Variants in LAMA1 observed in about 807,000 individuals in gnomAD.
The protein encoded by LAMA1 is laminin subunit alpha 1.
Under a neutral mutation model 348.7 loss-of-function variants are expected in LAMA1, and 219 were observed. The observed-to-expected ratio is 0.63, with a 90% CI of 0.56 to 0.70. LAMA1 has a LOEUF of 0.70. Ranked by LOEUF, LAMA1 falls within the 30% of genes least tolerant of loss-of-function variation. The probability of loss-of-function intolerance (pLI) is 0.00; values close to 1 mark genes in which losing one functional copy is unlikely to be tolerated. For missense variants in LAMA1, 3,744 were observed against 3,888.0 expected (o/e 0.96, Z 0.99); for synonymous variants, 1,487 against 1,491.0 (o/e 1.00, Z 0.06).
At chr18:6,960,484 A>T (rs938390981) in intron 53 of LAMA1, 5 of 152,000 alleles carry the variant, frequency 3.3e-5, no homozygotes, top group African/African-American at 1.2e-4. Context: ...CGGAAAGCAA[A>T]TTGGTGGTTG....
At chr18:7,087,735 A>G (rs1372314064) in intron 1 of LAMA1, among the ~76,000 whole-genome samples, 1 of 152,218 alleles carries the variant, frequency 6.6e-6, no homozygotes, top group African/African-American at 2.4e-5. Flanking sequence ...CACAGGCTTC[A>G]AGTCAGGCAG....
At chr18:7,090,216 A>G (rs576370647) in intron 1 of LAMA1, among the ~76,000 whole-genome samples, 1 of 152,234 alleles carries the variant, frequency 6.6e-6, no homozygotes, top group Non-Finnish European at 1.5e-5. Flanking sequence ...AAATGAACTC[A>G]TTTTGTGTCT....
Position 7,042,224 on chromosome 18 carries a change from G to A in LAMA1, c.1182C>T (p.Cys394=), listed in dbSNP as rs771672794. ...HKVSPYEDEP[C]RPCNCDPVGS... ...CCACAGGGTCACAATTACAGGGGCG[G>A]CAAGGCTCATCCTCATAAGGAGACA... Residue 394 remains cysteine (C), a synonymous_variant, in exon 9 of 63, where the codon TGC becomes TGT. Coordinates refer to ENST00000389658, the MANE Select transcript of LAMA1 (RefSeq NM_005559.4). 4.3e-6 allele frequency: 7 copies of A among 1,610,844 alleles called. No individual in the cohort carries two copies. In the African/African-American group the frequency reaches 6.7e-5, roughly 15 times the overall value.
At chr18:6,955,268 CT>C (rs2057569897) in intron 57 of LAMA1, 84 bp downstream of exon 57, 10 of 1,057,072 alleles carry the variant, frequency 9.5e-6, no homozygotes, top group Non-Finnish European at 1.4e-5. Context: ...AAAGCAGGTT[CT>C]TTTGGAAAAG....
chr18:7,073,495 T>A (rs2058154343), intron 3 of LAMA1, among the ~76,000 whole-genome samples: 1 of 152,222 alleles, frequency 6.6e-6, no homozygotes, highest in African/African-American at 2.4e-5. Context: ...TTCATCCAAA[T>A]TGATTCATAT....
At chr18:7,003,682 G>A (rs751601472) in intron 29 of LAMA1, among the ~76,000 whole-genome samples, 8 of 152,184 alleles carry the variant, frequency 5.3e-5, no homozygotes, top group Non-Finnish European at 1.2e-4. Context: ...TTCCATGTCT[G>A]ATGCAGCTGA....
At chr18:6,945,159 T>C (rs1030305390) in intron 61 of LAMA1, among the ~76,000 whole-genome samples, 5 of 152,048 alleles carry the variant, frequency 3.3e-5, no homozygotes, top group African/African-American at 1.2e-4. Context: ...CCTCCCAAGG[T>C]TTTGGGATTA....
chr18:7,074,716 A>G (rs942165085), intron 3 of LAMA1, among the ~76,000 whole-genome samples: 8 of 152,146 alleles, frequency 5.3e-5, no homozygotes, highest in African/African-American at 1.9e-4. Flanking sequence ...ATTTTTTAAA[A>G]GTAAGATACT....
chr18:7,061,906 A>G (rs2058103223), intron 3 of LAMA1, among the ~76,000 whole-genome samples: 1 of 152,120 alleles, frequency 6.6e-6, no homozygotes, highest in African/African-American at 2.4e-5. Context: ...AGAAGAGCAC[A>G]CTGTGCCCTG....
Position 6,958,628 on chromosome 18 carries a change from C to T in LAMA1, c.7813G>A (p.Val2605Met), listed in dbSNP as rs986559237. The change falls in exon 55 of 63, where the codon GTG becomes ATG. Residue 2605 changes from valine to methionine, a missense_variant. By Grantham distance (21) the Val-to-Met change is conservative. Transcript: ENST00000389658. ...ITVQLDENNP[V>M]EMKLGTLVES... ...ACTAATGTGCCCAACTTCATTTCCACAGGATTGTTCTCATCCAATTGGACA... is the reference window on the plus strand; with the variant it reads ...ACTAATGTGCCCAACTTCATTTCCATAGGATTGTTCTCATCCAATTGGACA... 1.2e-6 allele frequency: 2 copies of T among 1,614,148 alleles called. No homozygotes were observed. Among genetic ancestry groups the T allele is most frequent in the Non-Finnish European group, 1.7e-6 (2 of 1,179,990 alleles).
intron 10 of LAMA1, 57 bp from the exon 11 acceptor site, chr18:7,039,007 TAAAA>T (rs2058008949): frequency 7.1e-7 from 1 of 1,414,858 alleles, no homozygotes; most frequent in Non-Finnish European, 1.0e-6. Flanking sequence ...CCAGAGAGAA[TAAAA>T]TGACATTAAC....
intron 3 of LAMA1, among the ~76,000 whole-genome samples, chr18:7,056,582 C>A (rs1015711825): frequency 7.2e-5 from 11 of 152,164 alleles, no homozygotes; most frequent in Non-Finnish European, 1.3e-4. Context: ...AACTCCAGAG[C>A]CCTTCAGCCA....
At chr18:6,972,884 TTTCTCCATG>T (rs1333029902) in intron 47 of LAMA1, among the ~76,000 whole-genome samples, 164 bp downstream of exon 47, 1 of 152,066 alleles carries the variant, frequency 6.6e-6, no homozygotes, top group Non-Finnish European at 1.5e-5. Flanking sequence ...GAGACAAGAG[TTTCTCCATG>T]TTGGTCAGGC....
At chr18:7,080,522 C>T (rs1418935862) in intron 1 of LAMA1, 65 bp from the exon 2 acceptor site, 4 of 1,535,810 alleles carry the variant, frequency 2.6e-6, no homozygotes, top group African/African-American at 2.7e-5. Context: ...CTTACCCCAT[C>T]CCACTTGGTA....
At chr18:7,014,563 A>G (rs1268460507) in intron 22 of LAMA1, among the ~76,000 whole-genome samples, 1 of 40,648 alleles carries the variant, frequency 2.5e-5, no homozygotes, top group East Asian at 3.5e-4. Context: ...TCAAGGATAC[A>G]GTGAGCTTTG....
At position 6,947,140 on chromosome 18, in the gene LAMA1, C is replaced by T. The variant is rs777606835; in HGVS notation, c.8844+23G>A. 22 of 1,613,944 alleles carry T rather than the reference C, an allele frequency of 1.4e-5. No individual in the cohort carries two copies. The Admixed American group carries it at 3.7e-4, about 27-fold the overall frequency. On this transcript the variant is annotated intron_variant, in intron 61 of 62. Coordinates refer to ENST00000389658, the MANE Select transcript of LAMA1 (RefSeq NM_005559.4). ...TCTCTGACACTGGGGGGAGGAAGAC[C>T]CTCATGGAGAGGAAGCACCCACCTT...
chr18:6,950,933 C>T lies in LAMA1; in HGVS notation c.8246G>A (p.Ser2749Asn). 6.2e-7 allele frequency: 1 copy of T among 1,614,160 alleles called. No individual in the cohort carries two copies. Residue 2749 changes from serine (S) to asparagine (N), a missense_variant, in exon 58 of 63, where the codon AGC becomes AAC. Around this residue, in one of 3 missense-constraint regions of LAMA1, gnomAD observed 1,983 missense variants for 1,934.3 expected, o/e 1.03. Transcript: ENST00000389658. ...VELSIRTFAS[S>N]GLIYYMAHQN... ...ATGAGCCATGTAGTAAATCAGGCCG[C>T]TGGAGGCGAACGTGCGGATGCTTAG... is the stretch of plus-strand genomic sequence containing the variant.
intron 1 of LAMA1, among the ~76,000 whole-genome samples, chr18:7,095,744 C>G (rs1479175515): frequency 1.3e-5 from 2 of 152,222 alleles, no homozygotes; most frequent in Non-Finnish European, 2.9e-5. Flanking sequence ...TGAGGTTTGA[C>G]TAAAGGTGAA....
rs748373868 is a variant in LAMA1 at position 6,958,656 on chromosome 18, G to T, written c.7785C>A (p.Ile2595=). The change falls in exon 55 of 63, where the codon ATC becomes ATA. Residue 2595 remains isoleucine (I), a synonymous_variant. Transcript: ENST00000389658. The part of the protein sequence containing the change: ...SISLVRNRRI[I]TVQLDENNPV... Reference sequence around the variant, plus strand: ...GATTGTTCTCATCCAATTGGACAGTGATAATTCTAAAAGACCAATGGAGAA... The same window carrying T: ...GATTGTTCTCATCCAATTGGACAGTTATAATTCTAAAAGACCAATGGAGAA... The T allele has an allele frequency of 8.6e-5, 139 of 1,612,934 alleles. No homozygotes were observed. The highest frequency in any genetic ancestry group is 1.7e-4 in the Admixed American group (10 of 60,000).
Sources: allele counts gnomAD v4.1 joint callset (sites outside exome capture counted in the v4.1 genomes callset), GRCh38; gene constraint gnomAD v4.1.1; regional missense constraint gnomAD v4.1.1; transcripts MANE v1.5; gene names NCBI Gene and HGNC (gene_info 2026-07-23, HGNC 2026-07-21).